The following TRPC4 variants were observed in gnomAD, a reference collection of about 807,000 sequenced individuals.
TRPC4 encodes the protein short transient receptor potential channel 4.
A neutral mutation model predicts 99.4 loss-of-function variants in TRPC4; 49 were observed. The ratio of observed to expected loss-of-function variants is 0.49; its 90% CI spans 0.39 to 0.63. The LOEUF (loss-of-function observed/expected upper bound fraction) is 0.63, where lower values mean the gene tolerates loss of function less well. TRPC4 is among the 20% of genes least tolerant of loss of function. TRPC4 has a pLI of 0.00. For missense variants in TRPC4, 898 were observed against 1,152.9 expected (o/e 0.78, Z 3.20); for synonymous variants, 454 against 425.9 (o/e 1.07, Z -0.81).
chr13:37,655,365 T>G, intron 6 of TRPC4, 82 bp from the exon 7 acceptor site: 1 of 370,414 alleles, frequency 2.7e-6, no homozygotes, highest in Non-Finnish European at 4.1e-6. Flanking sequence ...CTTGGCATGA[T>G]TATATATATA....
At chr13:37,723,506 A>C (rs1954941462) in intron 3 of TRPC4, among the ~76,000 whole-genome samples, 1 of 152,198 alleles carries the variant, frequency 6.6e-6, no homozygotes, top group Non-Finnish European at 1.5e-5. Flanking sequence ...ATGTGAAGAA[A>C]AATTGATACT....
intron 1 of TRPC4, among the ~76,000 whole-genome samples, chr13:37,844,844 T>C (rs1017615793): frequency 4.6e-5 from 7 of 152,198 alleles, no homozygotes; most frequent in Admixed American, 3.9e-4. Flanking sequence ...GCATAGCCTC[T>C]GGCTCTGCCT....
intron 1 of TRPC4, among the ~76,000 whole-genome samples, chr13:37,787,816 G>A (rs76124504): frequency 0.011 from 1,696 of 152,114 alleles, 25 homozygotes; most frequent in South Asian, 0.079. Flanking sequence ...TGGAAATCAA[G>A]ATTATACTTA....
chr13:37,772,413 C>T (rs968565194), intron 2 of TRPC4, among the ~76,000 whole-genome samples: 10 of 151,478 alleles, frequency 6.6e-5, no homozygotes, highest in South Asian at 2.1e-4. Flanking sequence ...TGAAGAATTG[C>T]AATTTTACTA....
chr13:37,692,766 T>A (rs912776131), intron 3 of TRPC4, among the ~76,000 whole-genome samples: 1 of 152,212 alleles, frequency 6.6e-6, no homozygotes, highest in Non-Finnish European at 1.5e-5. Context: ...TATTTTTATA[T>A]TTGTGTGTAC....
At chr13:37,857,749 T>C (rs1031205488) in intron 1 of TRPC4, among the ~76,000 whole-genome samples, 6 of 151,746 alleles carry the variant, frequency 4.0e-5, no homozygotes, top group South Asian at 2.1e-4. Flanking sequence ...AATCTCATCA[T>C]ATACAAAAAT....
chr13:37,715,158 A>G (rs2139004162), intron 3 of TRPC4, among the ~76,000 whole-genome samples: 1 of 152,238 alleles, frequency 6.6e-6, no homozygotes, highest in South Asian at 2.1e-4. Context: ...CACCTTCCAG[A>G]CTTGTCCACC....
rs7319548 is a variant in TRPC4 at position 37,654,724 on chromosome 13, C to T, written c.1884+364G>A. On this transcript the variant is annotated intron_variant, in intron 7 of 10. Transcript: ENST00000379705. ...GTATCTTCCCCTGTAGGGATGACTT[C>T]GCTTATATGAGAGTGGTAGGTTAAA... Among the ~76,000 whole-genome samples, 170 of 152,196 alleles carry T rather than the reference C, an allele frequency of 1.1e-3. 1 individual carries two copies. The highest frequency in any genetic ancestry group is 3.9e-3 in the African/African-American group (163 of 41,526).
Position 37,651,378 on chromosome 13 carries a change from G to T in TRPC4, c.1966C>A (p.Pro656Thr). ...TTGGGGCTCGGGATGACATTGAAGG[G>T]AGTAGGCAGAGTACCTCCTTCTTCA... Reference protein sequence around the residue: ...YFEEGGTLPTPFNVIPSPKSL... With the variant: ...YFEEGGTLPTTFNVIPSPKSL... The change falls in exon 8 of 11, where the codon CCC becomes ACC. Residue 656 changes from proline (P) to threonine (T), a missense_variant. This residue lies in a region of TRPC4 where 274 missense variants were observed against 454.9 expected (regional missense o/e 0.60). Transcript: ENST00000379705. 6.2e-7 allele frequency: 1 copy of T among 1,614,074 alleles called. No individual in the cohort carries two copies. Among genetic ancestry groups the T allele is most frequent in the East Asian group, 2.2e-5 (1 of 44,878 alleles).
intron 5 of TRPC4, 56 bp from the exon 6 acceptor site, chr13:37,663,785 A>C: frequency 7.0e-7 from 1 of 1,433,762 alleles, no homozygotes; most frequent in East Asian, 2.3e-5. Flanking sequence ...ATATAAATAG[A>C]TCAAGGTCAG....
At chr13:37,748,365 T>C (rs1039893159) in intron 2 of TRPC4, among the ~76,000 whole-genome samples, 1 of 152,176 alleles carries the variant, frequency 6.6e-6, no homozygotes, top group East Asian at 1.9e-4. Context: ...CTATGCTTTT[T>C]AAGCTGTTAA....
chr13:37,695,198 T>TCCTC (rs1322560336), intron 3 of TRPC4, among the ~76,000 whole-genome samples: 6 of 151,896 alleles, frequency 4.0e-5, no homozygotes, highest in Non-Finnish European at 8.8e-5. Context: ...CTTCCTTCCT[T>TCCTC]CCTCCCACCC....
chr13:37,745,460 A>ATATATATATGCG (rs1555265754), intron 3 of TRPC4, among the ~76,000 whole-genome samples: 7 of 4,932 alleles, frequency 1.4e-3, no homozygotes, highest in African/African-American at 3.0e-3. Flanking sequence ...ATATATATAT[A>ATATATATATGCG]TATATATATA....
At chr13:37,748,198 G>A (rs547321017) in intron 2 of TRPC4, among the ~76,000 whole-genome samples, 1 of 152,250 alleles carries the variant, frequency 6.6e-6, no homozygotes, top group African/African-American at 2.4e-5. Flanking sequence ...CAAAACCTTG[G>A]ATATGAGGAG....
chr13:37,764,637 A>C (rs1291982811), intron 2 of TRPC4, among the ~76,000 whole-genome samples: 2 of 151,416 alleles, frequency 1.3e-5, no homozygotes, highest in Non-Finnish European at 3.0e-5. Context: ...ACGGATATTA[A>C]CATGAATGTT....
At chr13:37,751,395 TGA>T (rs34530149) in intron 2 of TRPC4, among the ~76,000 whole-genome samples, 1 of 129,296 alleles carries the variant, frequency 7.7e-6, no homozygotes, top group African/African-American at 2.6e-5. Context: ...GAGAAAAGAA[TGA>T]GAGAGAGAGA....
In TRPC4 at chr13:37,797,512, G is replaced by C. The variant is rs539281094; in HGVS notation, c.-27-14152C>G. ...CTAAGTATTTAACATCCTGAAAACA[G>C]TAGCGAAAAAAGTAGAAGATATAAA... On this transcript the variant is annotated intron_variant, in intron 1 of 10. Transcript: ENST00000379705. Among the ~76,000 whole-genome samples, 179 of 152,154 alleles carry C rather than the reference G, an allele frequency of 1.2e-3. 1 individual carries two copies. In the Middle Eastern group the frequency reaches 0.014, roughly 12 times the overall value.
intron 3 of TRPC4, among the ~76,000 whole-genome samples, chr13:37,711,819 A>C (rs1169483065): frequency 6.6e-6 from 1 of 152,118 alleles, no homozygotes; most frequent in Non-Finnish European, 1.5e-5. Context: ...ATGTTCTAAT[A>C]GACATATTTC....
intron 5 of TRPC4, among the ~76,000 whole-genome samples, chr13:37,672,148 C>T (rs534908458): frequency 1.3e-5 from 2 of 152,268 alleles, no homozygotes; most frequent in East Asian, 3.9e-4. Context: ...ATCTAAAAGT[C>T]TTGAGGCAAA....
Sources: allele counts gnomAD v4.1 joint callset (sites outside exome capture counted in the v4.1 genomes callset), GRCh38; gene constraint gnomAD v4.1.1; regional missense constraint gnomAD v4.1.1; transcripts MANE v1.5; gene names NCBI Gene and HGNC (gene_info 2026-07-23, HGNC 2026-07-21).